Variants in CNTN4 observed in about 807,000 individuals in gnomAD.
CNTN4 encodes contactin-4.
Under a neutral mutation model 122.5 loss-of-function variants are expected in CNTN4, and 77 were observed. The ratio of observed to expected loss-of-function variants is 0.63; its 90% CI spans 0.52 to 0.76. CNTN4 has a LOEUF of 0.76. Among genes scored for constraint, CNTN4 ranks in the 30% least tolerant of loss-of-function variants. The pLI is 0.00. For missense variants in CNTN4, 1,256 were observed against 1,259.1 expected, an observed-to-expected ratio of 1.00 and a Z score of 0.04; for synonymous variants, 512 against 447.0, an observed-to-expected ratio of 1.15 and a Z score of -1.83.
chr3:2,612,804 C>G (rs560290146), intron 4 of CNTN4, among the ~76,000 whole-genome samples: 2 of 152,228 alleles, frequency 1.3e-5, no homozygotes, highest in Admixed American at 6.5e-5. Flanking sequence ...TCAAATCCAA[C>G]TATGCAAACT....
intron 2 of CNTN4, among the ~76,000 whole-genome samples, chr3:2,159,314 A>T (rs907498101): frequency 6.6e-6 from 1 of 152,218 alleles, no homozygotes; most frequent in African/African-American, 2.4e-5. Flanking sequence ...CTGTGCCCCA[A>T]ACTCTTCCTT....
chr3:2,340,900 C>T (rs1374824570), intron 3 of CNTN4, among the ~76,000 whole-genome samples: 1 of 151,852 alleles, frequency 6.6e-6, no homozygotes, highest in African/African-American at 2.4e-5. Flanking sequence ...TTGGGATCAG[C>T]TGCTTGGGTC....
intron 6 of CNTN4, among the ~76,000 whole-genome samples, chr3:2,790,367 A>G (rs1334585835): frequency 2.0e-5 from 3 of 152,214 alleles, no homozygotes; most frequent in Admixed American, 6.5e-5. Flanking sequence ...GCTGCCTTCC[A>G]TCAGGTAAAT....
intron 22 of CNTN4, 62 bp downstream of exon 22, chr3:3,043,225 CT>C (rs1700324020): frequency 6.9e-7 from 1 of 1,442,846 alleles, no homozygotes; most frequent in African/African-American, 1.4e-5. Flanking sequence ...AAGTTTATTC[CT>C]TATCCCCACC....
At chr3:2,982,820 A>T (rs774467681) in intron 13 of CNTN4, among the ~76,000 whole-genome samples, 1 of 152,192 alleles carries the variant, frequency 6.6e-6, no homozygotes, top group Non-Finnish European at 1.5e-5. Context: ...ATGTTATTGT[A>T]TGGAACACAT....
At chr3:2,787,404 A>G (rs2091870805) in intron 6 of CNTN4, among the ~76,000 whole-genome samples, 1 of 152,274 alleles carries the variant, frequency 6.6e-6, no homozygotes, top group African/African-American at 2.4e-5. Flanking sequence ...AAAATAAAAT[A>G]AATATAAAAG....
At position 2,626,871 on chromosome 3, in the gene CNTN4, A is replaced by G. The variant is rs1051255017; in HGVS notation, c.55+55313A>G. ...CAAGCGTCTAGGCCTCCACATCTGG[A>G]TAGCCATTCTCACATTTACCACATC... On this transcript the variant is annotated intron_variant, in intron 4 of 24. Transcript: ENST00000418658. Among the ~76,000 whole-genome samples, 4 of 152,224 alleles carry G rather than the reference A, an allele frequency of 2.6e-5. No individual in the cohort carries two copies. In the South Asian group the frequency reaches 8.3e-4, roughly 31 times the overall value.
At chr3:3,056,021 G>A (rs1701756989) in intron 24 of CNTN4, 99 bp from the exon 25 acceptor site, 1 of 770,380 alleles carries the variant, frequency 1.3e-6, no homozygotes. Flanking sequence ...ATTTCCAGTA[G>A]AATCCATGCA....
At chr3:2,174,926 G>A (rs1017360940) in intron 2 of CNTN4, among the ~76,000 whole-genome samples, 6 of 152,024 alleles carry the variant, frequency 3.9e-5, no homozygotes, top group Admixed American at 2.0e-4. Flanking sequence ...AGGACAGCAC[G>A]AAGCCATGAG....
chr3:3,009,557 C>G (rs1180388594), intron 14 of CNTN4, among the ~76,000 whole-genome samples: 1 of 149,714 alleles, frequency 6.7e-6, no homozygotes, highest in Non-Finnish European at 1.5e-5. Context: ...CCTCAGCTTC[C>G]CGAGTAGCTG....
At chr3:2,736,840 A>G (rs1024395414) in intron 5 of CNTN4, among the ~76,000 whole-genome samples, 1 of 151,544 alleles carries the variant, frequency 6.6e-6, no homozygotes, top group South Asian at 2.1e-4. Flanking sequence ...TCAGGAGTGC[A>G]GTGTGCGACC....
chr3:2,105,617 A>G (rs2032376936), intron 2 of CNTN4, among the ~76,000 whole-genome samples: 1 of 152,150 alleles, frequency 6.6e-6, no homozygotes, highest in African/African-American at 2.4e-5. Flanking sequence ...TGCTTCCACA[A>G]TGCAATCACC....
At chr3:2,569,878 C>G (rs578049540) in intron 3 of CNTN4, among the ~76,000 whole-genome samples, 2 of 152,120 alleles carry the variant, frequency 1.3e-5, no homozygotes, top group Non-Finnish European at 1.5e-5. Context: ...TCCTTGATAA[C>G]GGGATATCAT....
chr3:2,121,132 C>A (rs1177781266), intron 2 of CNTN4, among the ~76,000 whole-genome samples: 1 of 151,858 alleles, frequency 6.6e-6, no homozygotes, highest in African/African-American at 2.4e-5. Context: ...TCTCTTCTTT[C>A]CTTCTTTTTT....
chr3:2,341,529 C>A (rs1361580441), intron 3 of CNTN4, among the ~76,000 whole-genome samples: 1 of 152,172 alleles, frequency 6.6e-6, no homozygotes, highest in East Asian at 1.9e-4. Context: ...TTGAAACTTT[C>A]CAGAATTTGG....
At chr3:2,275,907 C>T (rs1472668299) in intron 2 of CNTN4, among the ~76,000 whole-genome samples, 2 of 124,098 alleles carry the variant, frequency 1.6e-5, no homozygotes, top group African/African-American at 6.5e-5. Context: ...GTGACAGAGC[C>T]AGACTCTGTC....
At chr3:2,208,896 T>C (rs2038482819) in intron 2 of CNTN4, among the ~76,000 whole-genome samples, 1 of 152,174 alleles carries the variant, frequency 6.6e-6, no homozygotes, top group Non-Finnish European at 1.5e-5. Context: ...ACATTGTTTT[T>C]TAGACATACT....
At chr3:2,140,803 C>G (rs1023103034) in intron 2 of CNTN4, among the ~76,000 whole-genome samples, 7 of 152,138 alleles carry the variant, frequency 4.6e-5, no homozygotes, top group Non-Finnish European at 1.0e-4. Flanking sequence ...CAGAAAAATT[C>G]TTCCTTTTAT....
chr3:2,748,479 A>G (rs1376407198), intron 6 of CNTN4, among the ~76,000 whole-genome samples: 2 of 152,154 alleles, frequency 1.3e-5, no homozygotes, highest in Non-Finnish European at 2.9e-5. Flanking sequence ...AAATTTGATA[A>G]GCATATCTCC....
Sources: gnomAD v4.1 joint callset for allele counts (sites outside exome capture counted in the v4.1 genomes callset) on GRCh38, gnomAD v4.1.1 for gene constraint, MANE v1.5 for transcripts, NCBI Gene and HGNC (gene_info 2026-07-23, HGNC 2026-07-21) for gene names.